The following TTC6 variants were observed in gnomAD, a reference collection of about 807,000 sequenced individuals.
TTC6 encodes the protein tetratricopeptide repeat domain 6.
A neutral mutation model predicts 210.4 loss-of-function variants in TTC6; 172 were observed. The ratio of observed to expected loss-of-function variants is 0.82; its 90% CI spans 0.72 to 0.93. The LOEUF (loss-of-function observed/expected upper bound fraction) is 0.93. TTC6 is among the 40% of genes least tolerant of loss of function. The pLI is 0.00. For missense variants in TTC6, 2,414 were observed against 2,318.1 expected (o/e 1.04, Z -0.85); for synonymous variants, 804 against 819.6 (o/e 0.98, Z 0.32).
intron 14 of TTC6, among the ~76,000 whole-genome samples, chr14:37,755,605 A>G (rs567607880): frequency 1.3e-5 from 2 of 152,332 alleles, no homozygotes; most frequent in Admixed American, 1.3e-4. Context: ...ATGGCTAGCC[A>G]GTTTCCCCAG....
Position 37,709,373 on chromosome 14 carries a change from T to G in TTC6, c.1572-5282T>G, listed in dbSNP as rs1375490171. Among the ~76,000 whole-genome samples, 3 of 152,142 alleles carry G rather than the reference T, an allele frequency of 2.0e-5. No individual in the cohort carries two copies. The East Asian group carries it at 5.8e-4, about 29-fold the overall frequency. ...GCAGAGATAGAACTGGAATTAATAG[T>G]AACCTCATTTTAAATTTCTGTTATA... On this transcript the variant is annotated intron_variant, in intron 5 of 30. Coordinates refer to ENST00000553443, the Ensembl canonical transcript of TTC6.
At chr14:37,832,329 C>CTTTTTTTTTT (rs58133834) in intron 29 of TTC6, among the ~76,000 whole-genome samples, 42 of 68,876 alleles carry the variant, frequency 6.1e-4, no homozygotes, top group East Asian at 9.6e-4. Flanking sequence ...TTCTTTCTCT[C>CTTTTTTTTTT]TTTTTTTTTT....
At chr14:37,837,873 A>T (rs879356981) in intron 29 of TTC6, among the ~76,000 whole-genome samples, 11 of 152,188 alleles carry the variant, frequency 7.2e-5, no homozygotes, top group Middle Eastern at 3.2e-3. Flanking sequence ...ATCTTCGGGA[A>T]ACATAGAGGA....
chr14:37,601,852 T>C (rs1479632737), intron 1 of TTC6, among the ~76,000 whole-genome samples: 1 of 152,226 alleles, frequency 6.6e-6, no homozygotes, highest in Admixed American at 6.5e-5. Context: ...TTCCTCGCTG[T>C]AGAAAGGCAG....
At chr14:37,605,500 A>G (rs2095623543) in intron 1 of TTC6, among the ~76,000 whole-genome samples, 1 of 152,210 alleles carries the variant, frequency 6.6e-6, no homozygotes, top group Non-Finnish European at 1.5e-5. Context: ...GGGATGGTAC[A>G]CAGAAGTCTC....
intron 7 of TTC6, among the ~76,000 whole-genome samples, chr14:37,727,108 T>C (rs1216337628): frequency 2.6e-5 from 4 of 151,850 alleles, no homozygotes; most frequent in Non-Finnish European, 4.4e-5. Flanking sequence ...CATAATTCCC[T>C]GGCTATTAGA....
intron 23 of TTC6, among the ~76,000 whole-genome samples, chr14:37,808,147 ACTTTT>A (rs1243027414): frequency 2.0e-5 from 3 of 152,058 alleles, no homozygotes; most frequent in Non-Finnish European, 4.4e-5. Flanking sequence ...ATTTCTCTCT[ACTTTT>A]CTTTTCTGAT....
At chr14:37,785,836 C>G (rs1362211020) in intron 14 of TTC6, among the ~76,000 whole-genome samples, 1 of 152,108 alleles carries the variant, frequency 6.6e-6, no homozygotes, top group African/African-American at 2.4e-5. Flanking sequence ...GTTAGTTTTC[C>G]TTCTAACAGT....
intron 3 of TTC6, among the ~76,000 whole-genome samples, chr14:37,689,655 G>A (rs1159981574): frequency 6.6e-6 from 1 of 152,170 alleles, no homozygotes; most frequent in Non-Finnish European, 1.5e-5. Context: ...CCACAAGAGA[G>A]TAGCATGACA....
intron 6 of TTC6, among the ~76,000 whole-genome samples, chr14:37,723,077 A>G (rs962087211): frequency 4.6e-5 from 7 of 152,176 alleles, no homozygotes; most frequent in African/African-American, 1.7e-4. Context: ...TTTTGATAAA[A>G]TTATTTGATC....
At chr14:37,670,706 A>G (rs1469474980) in intron 1 of TTC6, among the ~76,000 whole-genome samples, 1 of 151,906 alleles carries the variant, frequency 6.6e-6, no homozygotes, top group African/African-American at 2.4e-5. Flanking sequence ...CCTGACCTAG[A>G]GTGATCTGCC....
intron 1 of TTC6, among the ~76,000 whole-genome samples, chr14:37,671,727 C>G (rs2095758580): frequency 6.6e-6 from 1 of 152,118 alleles, no homozygotes; most frequent in Admixed American, 6.5e-5. Context: ...ACCCAAGTCT[C>G]ATCTTTAACC....
intron 4 of TTC6, among the ~76,000 whole-genome samples, chr14:37,698,177 A>C (rs1260306694): frequency 1.3e-5 from 2 of 152,190 alleles, no homozygotes; most frequent in Non-Finnish European, 2.9e-5. Flanking sequence ...AATGTTTCTG[A>C]AAGTCTTTTA....
chr14:37,782,104 A>T (rs1335609446), intron 14 of TTC6, among the ~76,000 whole-genome samples: 1 of 152,184 alleles, frequency 6.6e-6, no homozygotes, highest in East Asian at 1.9e-4. Flanking sequence ...TGTCTTGGCA[A>T]TGCGGGCTCT....
intron 14 of TTC6, among the ~76,000 whole-genome samples, chr14:37,763,381 C>T (rs145567673): frequency 2.5e-4 from 38 of 152,056 alleles, no homozygotes; most frequent in Middle Eastern, 6.8e-3. Flanking sequence ...ATTTTGAGAA[C>T]GCTTGGTGTT....
intron 5 of TTC6, among the ~76,000 whole-genome samples, chr14:37,714,360 A>T (rs1458665041): frequency 6.9e-6 from 1 of 144,962 alleles, no homozygotes; most frequent in Non-Finnish European, 1.6e-5. Context: ...GAAGGTAAAG[A>T]AGTTTTTTTT....
intron 1 of TTC6, among the ~76,000 whole-genome samples, chr14:37,597,204 TG>T (rs1396518276): frequency 6.6e-6 from 1 of 152,158 alleles, no homozygotes. Context: ...CTAATTCTTT[TG>T]TGCAAAGTTC....
At chr14:37,796,947 G>A (rs1161844741) in exon 20 of TTC6, 1 of 1,590,410 alleles carries the variant, frequency 6.3e-7, no homozygotes, top group African/African-American at 1.3e-5. Flanking sequence ...AGAGAACCAA[G>A]GTGAAAAGTC....
At chr14:37,609,132 A>G (rs1172871165) in intron 2 of TTC6, among the ~76,000 whole-genome samples, 1 of 152,138 alleles carries the variant, frequency 6.6e-6, no homozygotes, top group Non-Finnish European at 1.5e-5. Context: ...AAATGAAGCT[A>G]GATCTGCCAG....
Sources: gnomAD v4.1 joint callset for allele counts (sites outside exome capture counted in the v4.1 genomes callset) on GRCh38, gnomAD v4.1.1 for gene constraint, MANE v1.5 for transcripts, NCBI Gene and HGNC (gene_info 2026-07-23, HGNC 2026-07-21) for gene names.